Variants in CDK6 observed in about 807,000 individuals in gnomAD.
The protein encoded by CDK6 is cyclin-dependent kinase 6.
A neutral mutation model predicts 37.1 loss-of-function variants in CDK6; 6 were observed. The observed-to-expected ratio is 0.16, with a 90% confidence interval of 0.09 to 0.32. CDK6 has a LOEUF of 0.32. CDK6 is among the 10% of genes least tolerant of loss of function. CDK6 has a pLI of 1.00. For missense variants in CDK6, 224 were observed against 418.9 expected (o/e 0.53, Z 4.06); for synonymous variants, 160 against 161.3 (o/e 0.99, Z 0.06).
At chr7:92,799,896 A>ATT (rs1800525370) in intron 2 of CDK6, among the ~76,000 whole-genome samples, 1 of 152,188 alleles carries the variant, frequency 6.6e-6, no homozygotes, top group African/African-American at 2.4e-5. Context: ...CTGAAAACAC[A>ATT]TGTAACTCAA....
At chr7:92,707,926 G>A (rs1374461890) in intron 4 of CDK6, among the ~76,000 whole-genome samples, 4 of 152,170 alleles carry the variant, frequency 2.6e-5, no homozygotes, top group Non-Finnish European at 5.9e-5. Context: ...ACACAGTGGT[G>A]ATGATGAAAT....
At chr7:92,626,030 C>T (rs555974680) in intron 5 of CDK6, among the ~76,000 whole-genome samples, 15 of 152,118 alleles carry the variant, frequency 9.9e-5, no homozygotes, top group South Asian at 6.2e-4. Context: ...CTCATTACCA[C>T]ATTCTATTCT....
rs960045760 is a variant in CDK6, at chr7:92,605,556, G to A, written c.*9584C>T. ...TTCTATTCTCCTCCTCAGATAGGAA[G>A]GGTATAGATAAACTGGCTATATTTT... On this transcript the variant is annotated 3_prime_UTR_variant, in exon 8 of 8. Transcript: ENST00000424848. 1 of 233,056 alleles carries A rather than the reference G, an allele frequency of 4.3e-6. No homozygotes were observed. Among genetic ancestry groups the A allele is most frequent in the Admixed American group, 5.6e-5 (1 of 17,786 alleles). The allele number at this position is 233,056 out of a possible 1,614,324, so 14.4% of individuals were successfully genotyped here. A position where few individuals can be genotyped will look rare whatever the true frequency, so the allele number is the denominator to read the frequency against.
chr7:92,672,190 TACACACACACACACACACACACACAC>T (rs71107866), intron 4 of CDK6, among the ~76,000 whole-genome samples: 1 of 62,790 alleles, frequency 1.6e-5, no homozygotes, highest in African/African-American at 1.0e-4. Flanking sequence ...CACAGACACA[TACACACACACACACACACACACACAC>T]ACACACACAC....
At chr7:92,627,324 A>G (rs558433162) in intron 5 of CDK6, among the ~76,000 whole-genome samples, 4 of 152,204 alleles carry the variant, frequency 2.6e-5, no homozygotes, top group African/African-American at 9.6e-5. Flanking sequence ...ATACAGACTG[A>G]AGGTCTGTGC....
chr7:92,700,472 A>G (rs1797817762), intron 4 of CDK6, among the ~76,000 whole-genome samples: 1 of 152,214 alleles, frequency 6.6e-6, no homozygotes. Flanking sequence ...AGAAAGATTA[A>G]CTGAATCTAG....
intron 3 of CDK6, among the ~76,000 whole-genome samples, chr7:92,736,409 A>G (rs1798788412): frequency 6.6e-6 from 1 of 152,210 alleles, no homozygotes; most frequent in African/African-American, 2.4e-5. Context: ...GGAGAAAAGA[A>G]TATGTACCTA....
At chr7:92,720,986 T>C (rs1798351924) in intron 4 of CDK6, among the ~76,000 whole-genome samples, 1 of 152,190 alleles carries the variant, frequency 6.6e-6, no homozygotes, top group Non-Finnish European at 1.5e-5. Context: ...CCTGTTCTCA[T>C]TGGTTTTCCA....
intron 2 of CDK6, among the ~76,000 whole-genome samples, chr7:92,816,242 T>C (rs979541120): frequency 6.6e-6 from 1 of 151,982 alleles, no homozygotes; most frequent in African/African-American, 2.4e-5. Context: ...AGAAATAGAC[T>C]CAGAAATGAC....
chr7:92,635,733 T>C (rs1585354795), intron 5 of CDK6, among the ~76,000 whole-genome samples: 1 of 152,236 alleles, frequency 6.6e-6, no homozygotes, highest in East Asian at 1.9e-4. Context: ...GCTGTTATTT[T>C]GGTCCTATCT....
At chr7:92,709,672 A>G (rs1798043098) in intron 4 of CDK6, among the ~76,000 whole-genome samples, 1 of 152,212 alleles carries the variant, frequency 6.6e-6, no homozygotes, top group Non-Finnish European at 1.5e-5. Flanking sequence ...TACGTAAATA[A>G]TATTAATGAA....
Position 92,787,549 on chromosome 7 carries a change from T to C in CDK6, c.234-12718A>G, listed in dbSNP as rs879717736. Reference sequence around the variant, plus strand: ...TAAATTTTTTGTTTATGTTTTGTTCTCTTAGATTCCTGAAATCTCTACAAA... The same window carrying C: ...TAAATTTTTTGTTTATGTTTTGTTCCCTTAGATTCCTGAAATCTCTACAAA... On this transcript the variant is annotated intron_variant, in intron 2 of 7. Transcript: ENST00000424848. Among the ~76,000 whole-genome samples, 2 of 152,138 alleles carry C rather than the reference T, an allele frequency of 1.3e-5. 1 individual carries two copies. The highest frequency in any genetic ancestry group is 1.3e-4 in the Admixed American group (2 of 15,272).
At position 92,835,792 on chromosome 7, in the gene CDK6, G is replaced by A. The variant is rs187727772; in HGVS notation, c.-368+686C>T. Among the ~76,000 whole-genome samples, 1 of 152,214 alleles carries A rather than the reference G, an allele frequency of 6.6e-6. No individual in the cohort carries two copies. The highest frequency in any genetic ancestry group is 2.4e-5 in the African/African-American group (1 of 41,464). ...ATGCACACGGACGGGCGCGCTGCGG[G>A]GACCAGGGCTGCTCACTGCGGGGCG... On this transcript the variant is annotated intron_variant, in intron 1 of 7. Transcript: ENST00000424848. This position sits in a 1 kb window ranked among gnomAD's most constrained non-coding sequence, Gnocchi z 4.2.
chr7:92,708,305 C>T (rs190073515), intron 4 of CDK6, among the ~76,000 whole-genome samples: 1 of 152,278 alleles, frequency 6.6e-6, no homozygotes, highest in East Asian at 1.9e-4. Context: ...TTATAATAGA[C>T]ATAAACAGCT....
chr7:92,826,673 G>A (rs1159555002), intron 2 of CDK6, among the ~76,000 whole-genome samples: 1 of 152,112 alleles, frequency 6.6e-6, no homozygotes, highest in African/African-American at 2.4e-5. Flanking sequence ...TGCATAGTCA[G>A]GAAAAGTTTA....
chr7:92,693,103 G>A (rs1797633015), intron 4 of CDK6, among the ~76,000 whole-genome samples: 1 of 152,148 alleles, frequency 6.6e-6, no homozygotes, highest in South Asian at 2.1e-4. Flanking sequence ...TCTGCATAGT[G>A]GAAAATTATT....
intron 4 of CDK6, among the ~76,000 whole-genome samples, chr7:92,672,242 C>CACACATATAT (rs1374477819): frequency 8.6e-6 from 1 of 116,598 alleles, no homozygotes; most frequent in South Asian, 3.1e-4. Flanking sequence ...CACACACACA[C>CACACATATAT]ATATATGAAG....
intron 2 of CDK6, among the ~76,000 whole-genome samples, chr7:92,779,861 G>A (rs1191234447): frequency 1.3e-5 from 2 of 152,180 alleles, no homozygotes; most frequent in African/African-American, 4.8e-5. Context: ...TCTTAGAAAT[G>A]CTAGACTATA....
intron 3 of CDK6, among the ~76,000 whole-genome samples, chr7:92,760,977 A>G (rs538025227): frequency 6.6e-6 from 1 of 152,182 alleles, no homozygotes; most frequent in South Asian, 2.1e-4. Context: ...CGTTCTGTAT[A>G]TATGTACATC....
Sources: gnomAD v4.1 joint callset for allele counts (sites outside exome capture counted in the v4.1 genomes callset) on GRCh38, gnomAD v4.1.1 for gene constraint, Gnocchi (gnomAD v3.1) non-coding constraint, MANE v1.5 for transcripts, NCBI Gene and HGNC (gene_info 2026-07-23, HGNC 2026-07-21) for gene names.